The following CNTNAP5 variants were observed in gnomAD, a reference collection of about 807,000 sequenced individuals.
CNTNAP5 encodes the protein contactin associated protein family member 5.
A neutral mutation model predicts 150.2 loss-of-function variants in CNTNAP5; 72 were observed. The observed-to-expected ratio is 0.48, with a 90% CI of 0.40 to 0.58. The LOEUF (loss-of-function observed/expected upper bound fraction) is 0.58. Among genes scored for constraint, CNTNAP5 ranks in the 20% least tolerant of loss-of-function variants. The pLI, the probability that CNTNAP5 is intolerant of heterozygous loss-of-function variation, is 0.00. For missense variants in CNTNAP5, 1,636 were observed against 1,626.2 expected (o/e 1.01, Z -0.10); for synonymous variants, 672 against 619.8 (o/e 1.08, Z -1.25).
chr2:124,746,885 T>TC (rs1435990227), intron 13 of CNTNAP5, among the ~76,000 whole-genome samples: 1 of 152,200 alleles, frequency 6.6e-6, no homozygotes, highest in Non-Finnish European at 1.5e-5. Flanking sequence ...GCATTGCCAT[T>TC]CATCAATATT....
At chr2:124,573,687 C>T (rs1277901530) in intron 11 of CNTNAP5, among the ~76,000 whole-genome samples, 1 of 152,090 alleles carries the variant, frequency 6.6e-6, no homozygotes, top group Admixed American at 6.5e-5. Context: ...CTAGTATGTC[C>T]CATGAGTAAG....
intron 1 of CNTNAP5, among the ~76,000 whole-genome samples, chr2:124,044,918 A>G (rs1681485824): frequency 6.6e-6 from 1 of 151,670 alleles, no homozygotes; most frequent in Non-Finnish European, 1.5e-5. Context: ...ACACACACAC[A>G]CACACACACA....
intron 3 of CNTNAP5, among the ~76,000 whole-genome samples, chr2:124,368,546 T>C (rs534208164): frequency 6.6e-6 from 1 of 152,232 alleles, no homozygotes. Flanking sequence ...AGTTAGTCTA[T>C]AATAATAAAA....
chr2:124,714,381 A>C (rs947744542), intron 13 of CNTNAP5, among the ~76,000 whole-genome samples: 1 of 152,180 alleles, frequency 6.6e-6, no homozygotes, highest in Non-Finnish European at 1.5e-5. Flanking sequence ...TCAAAGAGAG[A>C]CCCTCATCAC....
chr2:124,477,880 A>G (rs897050351), intron 7 of CNTNAP5, among the ~76,000 whole-genome samples: 1 of 152,120 alleles, frequency 6.6e-6, no homozygotes, highest in Non-Finnish European at 1.5e-5. Context: ...ATTAAAGGGC[A>G]TCACTACCTA....
chr2:124,734,541 G>T (rs941519584), intron 13 of CNTNAP5, among the ~76,000 whole-genome samples: 2 of 151,836 alleles, frequency 1.3e-5, no homozygotes, highest in South Asian at 4.2e-4. Flanking sequence ...TGGGACTCTT[G>T]TAGCAAATTT....
chr2:124,390,041 T>C (rs1163940778), intron 3 of CNTNAP5, among the ~76,000 whole-genome samples: 1 of 151,974 alleles, frequency 6.6e-6, no homozygotes, highest in East Asian at 1.9e-4. Context: ...CTTGGGATGT[T>C]TGTCAGCTCA....
intron 8 of CNTNAP5, among the ~76,000 whole-genome samples, chr2:124,504,785 C>T (rs555980771): frequency 1.3e-5 from 2 of 148,246 alleles, no homozygotes; most frequent in South Asian, 2.1e-4. Context: ...CAGCTCACTG[C>T]AACCTCCGAC....
Position 124,706,880 on chromosome 2 carries a change from A to AAGAAGAGGAAGAGGTAGAAGGAGAAGG in CNTNAP5, c.2078-40335_2078-40334insTAGAAGGAGAAGGAGAAGAGGAAGAGG, listed in dbSNP as rs1679666462. ...GGAGAAGGAGAAGGGGAAAGGGAAG[A>AAGAAGAGGAAGAGGTAGAAGGAGAAGG]AGAAGAGGAAGAGGAAGAAGAAGGA... On this transcript the variant is annotated intron_variant, in intron 13 of 23. Coordinates refer to ENST00000682447, the MANE Select transcript of CNTNAP5 (RefSeq NM_001367498.1). 6.5e-5 allele frequency among the ~76,000 whole-genome samples: 3 copies of AAGAAGAGGAAGAGGTAGAAGGAGAAGG among 46,040 alleles called. 1 individual carries two copies. The allele number at this position is 46,040 out of a possible 152,430, so 30.2% of individuals were successfully genotyped here.
chr2:124,173,166 T>C (rs1684975808), intron 1 of CNTNAP5, among the ~76,000 whole-genome samples: 1 of 152,216 alleles, frequency 6.6e-6, no homozygotes, highest in Admixed American at 6.5e-5. Context: ...TTATGACTAC[T>C]CCACTGATGG....
chr2:124,748,710 C>A (rs939965381), intron 14 of CNTNAP5, among the ~76,000 whole-genome samples: 5 of 152,056 alleles, frequency 3.3e-5, no homozygotes, highest in Admixed American at 1.3e-4. Flanking sequence ...AGGAAAGGAC[C>A]AGGCATCTGT....
At chr2:124,438,955 A>C (rs771965848) in intron 5 of CNTNAP5, among the ~76,000 whole-genome samples, 8 of 152,180 alleles carry the variant, frequency 5.3e-5, no homozygotes, top group Non-Finnish European at 8.8e-5. Flanking sequence ...CATAGCTGCA[A>C]AGCTGTAGAT....
rs190731835 is a variant in CNTNAP5 at position 124,918,143 on chromosome 2, T to G, written c.*3855T>G. 9.9e-5 allele frequency among the ~76,000 whole-genome samples: 15 copies of G among 152,154 alleles called. No individual in the cohort carries two copies. Among genetic ancestry groups the G allele is most frequent in the Non-Finnish European group, 2.1e-4 (14 of 67,962 alleles). On this transcript the variant is annotated 3_prime_UTR_variant, in exon 24 of 24. Transcript: ENST00000682447. ...TCAGGTTGGGGGATTCCAAAAGTCTTGCCTCCCATGAGTTGGACCTAAGAG... is the reference window on the plus strand; with the variant it reads ...TCAGGTTGGGGGATTCCAAAAGTCTGGCCTCCCATGAGTTGGACCTAAGAG...
chr2:124,200,248 A>G (rs1685694461), intron 1 of CNTNAP5, among the ~76,000 whole-genome samples: 1 of 152,176 alleles, frequency 6.6e-6, no homozygotes, highest in African/African-American at 2.4e-5. Flanking sequence ...TTGGTAAATA[A>G]TATTAAATAG....
chr2:124,500,771 G>T (rs1694260336), intron 7 of CNTNAP5, among the ~76,000 whole-genome samples: 1 of 152,128 alleles, frequency 6.6e-6, no homozygotes, highest in Admixed American at 6.5e-5. Context: ...GAACATCTTG[G>T]CTGTTCGAGA....
At chr2:124,401,162 A>G (rs746999543) in intron 3 of CNTNAP5, among the ~76,000 whole-genome samples, 2 of 152,190 alleles carry the variant, frequency 1.3e-5, no homozygotes, top group Non-Finnish European at 2.9e-5. Context: ...CATCGTGCCC[A>G]GCCAATTATC....
intron 8 of CNTNAP5, among the ~76,000 whole-genome samples, chr2:124,517,263 G>T (rs1558936372): frequency 6.6e-6 from 1 of 150,810 alleles, no homozygotes. Flanking sequence ...TGGTGATGAG[G>T]TGTGGTGGTG....
chr2:124,339,928 G>A (rs1012481033), intron 3 of CNTNAP5, among the ~76,000 whole-genome samples: 6 of 151,866 alleles, frequency 4.0e-5, no homozygotes, highest in African/African-American at 7.3e-5. Context: ...TCTTGCTGGC[G>A]TCAGTCTGAA....
chr2:124,348,658 T>C (rs1689798372), intron 3 of CNTNAP5, among the ~76,000 whole-genome samples: 3 of 152,208 alleles, frequency 2.0e-5, no homozygotes, highest in Admixed American at 6.5e-5. Context: ...ACATCCAATT[T>C]GGCACATAAC....
Sources: gnomAD v4.1 joint callset for allele counts (sites outside exome capture counted in the v4.1 genomes callset) on GRCh38, gnomAD v4.1.1 for gene constraint, MANE v1.5 for transcripts, NCBI Gene and HGNC (gene_info 2026-07-23, HGNC 2026-07-21) for gene names.